The following BACC1 variants were observed in gnomAD, a reference collection of about 807,000 sequenced individuals.
BACC1 encodes BPTF associated chromatin complex component 1.
the BACC1 span, chr17:7,016,379 TG>T: frequency 2.6e-6 from 3 of 1,170,318 alleles, no homozygotes; most frequent in African/African-American, 3.1e-5. Flanking sequence ...ACCAATGGGT[TG>T]GGGCCCCGAC....
chr17:7,016,043 C>A, the BACC1 span: 4 of 606,350 alleles, frequency 6.6e-6, no homozygotes, highest in African/African-American at 5.6e-5. Context: ...CACAGTTGGT[C>A]AGAAGTTCCT....
the BACC1 span, chr17:7,015,039 C>T: frequency 3.4e-6 from 5 of 1,484,748 alleles, no homozygotes; most frequent in Non-Finnish European, 4.4e-6. Context: ...CGCCGGCCCC[C>T]CGTGACGCTG....
chr17:7,017,376 C>T, the BACC1 span: 2 of 1,536,220 alleles, frequency 1.3e-6, no homozygotes, highest in South Asian at 2.2e-5. Context: ...TCTCCTGGGA[C>T]TCCGAGCAAG....
chr17:7,016,532 G>C, the BACC1 span: 1 of 1,614,096 alleles, frequency 6.2e-7, no homozygotes, highest in South Asian at 1.1e-5. Flanking sequence ...CAAGGTATAT[G>C]AAGATTCTGG....
chr17:7,015,313 T>A, the BACC1 span: 1 of 1,378,582 alleles, frequency 7.3e-7, no homozygotes, highest in South Asian at 1.7e-5. Flanking sequence ...GGTGAGGGAA[T>A]GAATGACAGA....
chr17:7,015,127 G>A, the BACC1 span: 3 of 1,586,134 alleles, frequency 1.9e-6, no homozygotes, highest in Admixed American at 1.8e-5. Context: ...CGATGCAGCT[G>A]CATCCCGTGG....
At chr17:7,015,704 T>A in the BACC1 span, 1 of 1,471,738 alleles carries the variant, frequency 6.8e-7, no homozygotes, top group Non-Finnish European at 9.4e-7. Flanking sequence ...GGCTGTGGGA[T>A]GCATAGCCTG....
chr17:7,017,061 G>C, the BACC1 span: 1 of 1,570,366 alleles, frequency 6.4e-7, no homozygotes, highest in Non-Finnish European at 8.8e-7. Flanking sequence ...TGGGGAGAAA[G>C]GGCTCACCTG....
the BACC1 span, chr17:7,017,257 A>G: frequency 1.8e-4 from 284 of 1,614,056 alleles, no homozygotes; most frequent in Non-Finnish European, 2.4e-4. Context: ...CCTGTTCCAG[A>G]CAGCCTGACC....
At chr17:7,016,877 G>A in the BACC1 span, 8 of 1,584,462 alleles carry the variant, frequency 5.0e-6, no homozygotes, top group Admixed American at 1.7e-5. Flanking sequence ...GCTGTCAGGG[G>A]AACCTAGAAC....
chr17:7,015,073 C>A, the BACC1 span: 1 of 1,560,322 alleles, frequency 6.4e-7, no homozygotes, highest in African/African-American at 1.4e-5. Context: ...TCGGAGAGAT[C>A]TTCTCGGCGG....
chr17:7,016,462 C>CTCCTT, the BACC1 span: 29 of 1,601,782 alleles, frequency 1.8e-5, no homozygotes, highest in East Asian at 5.4e-4. Context: ...TCTCTGATGA[C>CTCCTT]TCCTTTCCTA....
chr17:7,015,245 C>T, the BACC1 span: 1 of 1,444,534 alleles, frequency 6.9e-7, no homozygotes, highest in South Asian at 1.4e-5. Context: ...CAGGGACAGA[C>T]ATTAGTTTCC....
the BACC1 span, chr17:7,016,651 G>A: frequency 1.2e-6 from 2 of 1,612,966 alleles, no homozygotes; most frequent in Non-Finnish European, 8.5e-7. Context: ...GTGTCCCTGA[G>A]GCCGGGGGTC....
At chr17:7,015,125 C>T in the BACC1 span, 8 of 1,587,120 alleles carry the variant, frequency 5.0e-6, no homozygotes, top group Non-Finnish European at 6.8e-6. Flanking sequence ...GACGATGCAG[C>T]TGCATCCCGT....
the BACC1 span, chr17:7,016,606 A>G: frequency 1.2e-6 from 2 of 1,613,838 alleles, no homozygotes; most frequent in Non-Finnish European, 8.5e-7. Context: ...GTGTCTTGTC[A>G]CCTCCTCCAG....
chr17:7,015,173 T>C, the BACC1 span: 36 of 1,561,302 alleles, frequency 2.3e-5, no homozygotes, highest in Non-Finnish European at 3.0e-5. Flanking sequence ...GAGCCCGGAC[T>C]GGGACGTGGA....
At chr17:7,017,473 C>T in the BACC1 span, 1 of 743,142 alleles carries the variant, frequency 1.3e-6, no homozygotes, top group Non-Finnish European at 2.5e-6. Flanking sequence ...CTTTGACCTT[C>T]ATCTGATGGA....
At chr17:7,015,815 C>T in the BACC1 span, 5 of 1,613,978 alleles carry the variant, frequency 3.1e-6, no homozygotes, top group Non-Finnish European at 4.2e-6. Flanking sequence ...CTGAGGGCTG[C>T]TGTGAAGCGA....
Sources: gnomAD v4.1 joint callset for allele counts on GRCh38, gnomAD v4.1.1 for gene constraint, MANE v1.5 for transcripts, NCBI Gene and HGNC (gene_info 2026-07-23, HGNC 2026-07-21) for gene names.